The following UBE2S variants were observed in gnomAD, a reference collection of about 807,000 sequenced individuals.
UBE2S encodes the protein ubiquitin-conjugating enzyme E2 S.
In UBE2S, 3 loss-of-function variants were observed where a neutral mutation model predicts 12.3. The ratio of observed to expected loss-of-function variants is 0.24; its 90% CI spans 0.11 to 0.63. The LOEUF (loss-of-function observed/expected upper bound fraction) is 0.63, where lower values mean the gene tolerates loss of function less well. Ranked by LOEUF, UBE2S falls within the 30% of genes least tolerant of loss-of-function variation. The probability of loss-of-function intolerance (pLI) is 0.85; values close to 1 mark genes in which losing one functional copy is unlikely to be tolerated. For synonymous variants in UBE2S, 133 were observed against 142.0 expected (o/e 0.94, Z 0.45); for missense variants, 211 against 313.9 (o/e 0.67, Z 2.48).
rs1308036650 is a variant in UBE2S, at chr19:55,404,392, G to A, written c.238C>T (p.Leu80=). The A allele has an allele frequency of 6.2e-7, 1 of 1,613,748 alleles. No homozygotes were observed. Among genetic ancestry groups the A allele is most frequent in the African/African-American group, 1.3e-5 (1 of 74,902 alleles). ...FPASPPKGYF[L]TKIFHPNVGA... is the part of the protein sequence containing the mutation. ...ACGTTCGGGTGGAAGATCTTGGTCA[G>A]GAAGTAGCCCTTGGGTGGGGAGGCA... The change falls in exon 3 of 4, where the codon CTG becomes TTG. Residue 80 remains leucine, a synonymous_variant. Coordinates refer to ENST00000264552, the MANE Select transcript of UBE2S (RefSeq NM_014501.3). This position sits in a 1 kb window ranked among gnomAD's most constrained non-coding sequence, Gnocchi z 4.4.
At chr19:55,406,362 A>G (rs2090096064) in intron 2 of UBE2S, among the ~76,000 whole-genome samples, 1 of 152,074 alleles carries the variant, frequency 6.6e-6, no homozygotes, top group South Asian at 2.1e-4. Flanking sequence ...CACTCCGCAA[A>G]TCATGTGACC....
chr19:55,406,936 C>A lies in UBE2S; in HGVS notation c.30G>T (p.Pro10=), dbSNP rs751194605. MNSNVENLP[P]HIIRLVYKEV... ...CCTTGTACACCAGGCGGATGATGTG[C>A]GGGGGTAGGTTCTCCACGTTGGAGT... The change falls in exon 2 of 4, where the codon CCG becomes CCT. Residue 10 remains proline (P), a synonymous_variant. Transcript: ENST00000264552. 9.9e-6 allele frequency: 16 copies of A among 1,613,542 alleles called. No homozygotes were observed. The highest frequency in any genetic ancestry group is 1.3e-5 in the African/African-American group (1 of 74,852).
At chr19:55,401,999 T>C (rs1158812339) in intron 3 of UBE2S, among the ~76,000 whole-genome samples, 2 of 152,196 alleles carry the variant, frequency 1.3e-5, no homozygotes, top group African/African-American at 4.8e-5. Flanking sequence ...ATAGGCCCAA[T>C]GGTTTAAAAT....
Position 55,401,238 on chromosome 19 carries a change from A to G in UBE2S, c.*198T>C. On this transcript the variant is annotated 3_prime_UTR_variant, in exon 4 of 4. Coordinates refer to ENST00000264552, the MANE Select transcript of UBE2S (RefSeq NM_014501.3). ...AGGGGAGCCAAACTCCCAGAGCCAC[A>G]TGGCACCATGCAGCGGTCCTGGGGC... is the stretch of plus-strand genomic sequence containing the variant. 1.5e-6 allele frequency: 1 copy of G among 666,330 alleles called. No individual in the cohort carries two copies. The highest frequency in any genetic ancestry group is 1.8e-5 in the African/African-American group (1 of 54,728). 41.3% of individuals were successfully genotyped at this position (666,330 alleles called of 1,614,324 possible).
At chr19:55,402,832 C>G in intron 3 of UBE2S, 1 of 889,570 alleles carries the variant, frequency 1.1e-6, no homozygotes, top group Non-Finnish European at 1.7e-6. Context: ...GTCTGTTTAC[C>G]TTGGAGCTCA....
At chr19:55,407,533 C>T in intron 1 of UBE2S, 54 bp downstream of exon 1, 2 of 1,523,476 alleles carry the variant, frequency 1.3e-6, no homozygotes, top group African/African-American at 1.4e-5. Flanking sequence ...GACTCCACCT[C>T]CTCCCTCAGG....
At chr19:55,406,348 A>C (rs116922234) in intron 2 of UBE2S, among the ~76,000 whole-genome samples, 1,525 of 152,296 alleles carry the variant, frequency 0.01, 6 homozygotes, top group Non-Finnish European at 0.016. Flanking sequence ...ACAGTATTCT[A>C]AATCACTCCG....
chr19:55,402,563 T>C (rs2090068046), intron 3 of UBE2S, among the ~76,000 whole-genome samples: 1 of 152,218 alleles, frequency 6.6e-6, no homozygotes, highest in Admixed American at 6.5e-5. Flanking sequence ...GGGGCCACTA[T>C]GACACATACA....
chr19:55,406,687 G>T, intron 2 of UBE2S, 128 bp downstream of exon 2: 1 of 1,209,502 alleles, frequency 8.3e-7, no homozygotes, highest in Non-Finnish European at 1.2e-6. Context: ...GTCCTGCCCT[G>T]TCCACCAATG....
Position 55,404,594 on chromosome 19 carries a change from C to G in UBE2S, c.152-116G>C. 1.1e-6 allele frequency: 1 copy of G among 892,868 alleles called. No individual in the cohort carries two copies. 55.3% of individuals were successfully genotyped at this position (892,868 alleles called of 1,614,324 possible). ...GATGCAGGTGGGTGCCCCGCCAACT[C>G]TGCCAACAGACTGGAGGATTCTTTT... On this transcript the variant is annotated intron_variant, in intron 2 of 3. Coordinates refer to ENST00000264552, the MANE Select transcript of UBE2S (RefSeq NM_014501.3). The surrounding 1 kb of genome is among the most constrained non-coding windows in gnomAD (Gnocchi z 4.4).
At chr19:55,403,511 G>GAAAGGGAAGAAAGAA (rs1268810463) in intron 3 of UBE2S, among the ~76,000 whole-genome samples, 2 of 150,960 alleles carry the variant, frequency 1.3e-5, no homozygotes, top group African/African-American at 4.9e-5. Flanking sequence ...AGAAAGGAAA[G>GAAAGGGAAGAAAGAA]AAAGGGAAGA....
intron 1 of UBE2S, among the ~76,000 whole-genome samples, chr19:55,407,221 C>T (rs1285892667): frequency 1.5e-5 from 2 of 131,632 alleles, no homozygotes; most frequent in Non-Finnish European, 3.2e-5. Context: ...CCGCTCCTAA[C>T]CCTGCTTGGT....
In UBE2S at chr19:55,401,258, T is replaced by C; in HGVS notation, c.*178A>G. ...GCCACATGGCACCATGCAGCGGTCC[T>C]GGGGCATCTGTGAGACACAGAAGCT... On this transcript the variant is annotated 3_prime_UTR_variant, in exon 4 of 4. Coordinates refer to ENST00000264552, the MANE Select transcript of UBE2S (RefSeq NM_014501.3). 1.3e-6 allele frequency: 1 copy of C among 751,978 alleles called. No homozygotes were observed. The highest frequency in any genetic ancestry group is 1.9e-5 in the South Asian group (1 of 53,930). 46.6% of individuals were successfully genotyped at this position (751,978 alleles called of 1,614,324 possible). A position where few individuals can be genotyped will look rare whatever the true frequency, so the allele number is the denominator to read the frequency against.
chr19:55,407,298 C>A (rs184378184), intron 1 of UBE2S, among the ~76,000 whole-genome samples: 72 of 150,708 alleles, frequency 4.8e-4, no homozygotes, highest in African/African-American at 1.4e-3. Flanking sequence ...TTGGTTAGAG[C>A]ATCCTTGAAA....
chr19:55,404,597 C>T lies in UBE2S; in HGVS notation c.152-119G>A. 5 of 862,948 alleles carry T rather than the reference C, an allele frequency of 5.8e-6. No individual in the cohort carries two copies. Among genetic ancestry groups the T allele is most frequent in the Non-Finnish European group, 8.9e-6 (5 of 564,570 alleles). The allele number at this position is 862,948 out of a possible 1,614,324, so 53.5% of individuals were successfully genotyped here. The stretch of plus-strand genomic sequence containing the variant: ...GCAGGTGGGTGCCCCGCCAACTCTG[C>T]CAACAGACTGGAGGATTCTTTTTTT... On this transcript the variant is annotated intron_variant, in intron 2 of 3. Coordinates refer to ENST00000264552, the MANE Select transcript of UBE2S (RefSeq NM_014501.3). The surrounding 1 kb of genome is among the most constrained non-coding windows in gnomAD (Gnocchi z 4.4).
rs764190378 is a variant in UBE2S at position 55,404,369 on chromosome 19, G to A, written c.261C>T (p.Asn87=). The A allele has an allele frequency of 3.0e-5, 49 of 1,613,798 alleles. No individual in the cohort carries two copies. The highest frequency in any genetic ancestry group is 4.4e-5 in the South Asian group (4 of 91,080). ...GYFLTKIFHP[N]VGANGEICVN... is the part of the protein sequence containing the mutation. The stretch of plus-strand genomic sequence containing the variant: ...CGCAGATCTCGCCATTGGCGCCCAC[G>A]TTCGGGTGGAAGATCTTGGTCAGGA... The change falls in exon 3 of 4, where the codon AAC becomes AAT. Residue 87 remains asparagine (N), a synonymous_variant. Coordinates refer to ENST00000264552, the MANE Select transcript of UBE2S (RefSeq NM_014501.3). The surrounding 1 kb of genome is among the most constrained non-coding windows in gnomAD (Gnocchi z 4.4).
chr19:55,403,065 G>GCTGCCCAAATC, intron 3 of UBE2S: 1 of 1,353,382 alleles, frequency 7.4e-7, no homozygotes, highest in Non-Finnish European at 1.0e-6. Context: ...CATCTCGTAC[G>GCTGCCCAAATC]CTGCAGGATT....
chr19:55,401,859 G>T, intron 3 of UBE2S, 97 bp from the exon 4 acceptor site: 1 of 1,310,198 alleles, frequency 7.6e-7, no homozygotes. Flanking sequence ...TGTTCCTTCT[G>T]CTCCCAACTC....
In UBE2S at chr19:55,407,602, C is replaced by T. The variant is rs550468837; in HGVS notation, c.-13G>A. The T allele has an allele frequency of 6.2e-5, 88 of 1,411,776 alleles. 2 individuals are homozygous for T. In the South Asian group the frequency reaches 1.3e-3, roughly 20 times the overall value. 87.5% of individuals were successfully genotyped at this position (1,411,776 alleles called of 1,614,324 possible). ...CCGTGCTCACCATGGCTGCGGCCGG[C>T]CGGGGGCGGGTCCCCCCGGCCCCCT... is the stretch of plus-strand genomic sequence containing the variant. On this transcript the variant is annotated 5_prime_UTR_variant, in exon 1 of 4. Transcript: ENST00000264552.
Sources: allele counts gnomAD v4.1 joint callset (sites outside exome capture counted in the v4.1 genomes callset), GRCh38; gene constraint gnomAD v4.1.1; non-coding constraint Gnocchi (gnomAD v3.1); transcripts MANE v1.5; gene names NCBI Gene and HGNC (gene_info 2026-07-23, HGNC 2026-07-21).